FLNB: variants seen among roughly 807,000 people sequenced by gnomAD.
FLNB encodes the protein filamin B.
FLNB carries 111 observed loss-of-function variants against 250.6 expected under a neutral mutation model. The ratio of observed to expected loss-of-function variants is 0.44; its 90% CI spans 0.38 to 0.52. The LOEUF (loss-of-function observed/expected upper bound fraction) is 0.52, where lower values mean the gene tolerates loss of function less well. FLNB is among the 20% of genes least tolerant of loss of function. The pLI is 0.00. For synonymous variants in FLNB, 1,302 were observed against 1,372.1 expected, an observed-to-expected ratio of 0.95 and a Z score of 1.13; for missense variants, 2,869 against 3,447.8, an observed-to-expected ratio of 0.83 and a Z score of 4.20.
At chr3:58,108,799 G>A (rs530724894) in intron 13 of FLNB, among the ~76,000 whole-genome samples, 14 of 152,324 alleles carry the variant, frequency 9.2e-5, no homozygotes, top group African/African-American at 3.4e-4. Context: ...AATGAGGCTT[G>A]TTTGTTTCAG....
At chr3:58,161,521 A>C (rs1371720945) in intron 42 of FLNB, among the ~76,000 whole-genome samples, 3 of 152,128 alleles carry the variant, frequency 2.0e-5, no homozygotes, top group African/African-American at 7.2e-5. Context: ...TCCACCCCAG[A>C]CAGGATTTGA....
rs372136095 is a variant in FLNB at position 58,094,438 on chromosome 3, AG to A, written c.788-396del. On this transcript the variant is annotated intron_variant, in intron 4 of 45. Transcript: ENST00000295956. ...TTTGCTCGATCATCTTAAAATAAAA[AG>A]GTTAATTAAAAAAATGATTGAATAT... 3.1e-3 allele frequency among the ~76,000 whole-genome samples: 477 copies of A among 152,368 alleles called. 5 individuals carry two copies. The highest frequency in any genetic ancestry group is 0.011 in the African/African-American group (450 of 41,586).
intron 1 of FLNB, among the ~76,000 whole-genome samples, chr3:58,070,077 CTCTT>C (rs1317303687): frequency 7.1e-6 from 1 of 141,528 alleles, no homozygotes; most frequent in East Asian, 2.0e-4. Context: ...GAGACAGAGT[CTCTT>C]TCTGTCACCC....
At chr3:58,044,279 G>A (rs1228705350) in intron 1 of FLNB, among the ~76,000 whole-genome samples, 2 of 152,126 alleles carry the variant, frequency 1.3e-5, no homozygotes, top group African/African-American at 4.8e-5. Context: ...TGGTTGGGAA[G>A]CATTCTCTTA....
intron 39 of FLNB, chr3:58,154,565 A>C: frequency 2.0e-6 from 1 of 494,908 alleles, no homozygotes; most frequent in Non-Finnish European, 3.7e-6. Context: ...AAAAAAAGAC[A>C]TGTCTTCAGA....
At chr3:58,080,046 C>T (rs1221563525) in intron 3 of FLNB, among the ~76,000 whole-genome samples, 5 of 152,186 alleles carry the variant, frequency 3.3e-5, no homozygotes, top group Non-Finnish European at 7.3e-5. Context: ...CCTAAACCGT[C>T]TCCTTTTTAC....
intron 1 of FLNB, among the ~76,000 whole-genome samples, chr3:58,024,020 T>G (rs1268275997): frequency 2.6e-5 from 4 of 152,230 alleles, no homozygotes; most frequent in African/African-American, 9.6e-5. Context: ...CTTGACTGCC[T>G]GGGAACTTTG....
Position 58,111,878 on chromosome 3 carries a change from G to A in FLNB, c.2572G>A (p.Ala858Thr). 3 of 1,613,674 alleles carry A rather than the reference G, an allele frequency of 1.9e-6. No homozygotes were observed. In the South Asian group the frequency reaches 3.3e-5, roughly 18 times the overall value. Residue 858 changes from alanine to threonine, a missense_variant, in exon 17 of 46, where the codon GCA becomes ACA. Physicochemically the swap from Ala to Thr is moderately conservative, Grantham distance 58. Transcript: ENST00000295956. ...VKAEGPGLSK[A>T]GVENGKPTHF... ...GGCAGAAGGCCCAGGGCTCAGCAAA[G>A]CAGGTAAGATGGCACGTCTAGGTTG... is the stretch of plus-strand genomic sequence containing the variant.
chr3:58,163,181 A>G lies in FLNB; in HGVS notation c.7049A>G (p.His2350Arg). The change falls in exon 43 of 46, where the codon CAT (histidine) becomes CGT (arginine). Residue 2350 changes from histidine to arginine, a missense_variant. Physicochemically the swap from His to Arg is conservative, Grantham distance 29. Transcript: ENST00000295956. ...PDKYAVRFIP[H>R]ENGVHTIDVK... Reference sequence around the variant, plus strand: ...AAGTATGCTGTTCGCTTCATCCCTCATGAGAATGGTGTCCACACCATCGAT... The same window carrying G: ...AAGTATGCTGTTCGCTTCATCCCTCGTGAGAATGGTGTCCACACCATCGAT... 1 of 1,614,164 alleles carries G rather than the reference A, an allele frequency of 6.2e-7. No individual in the cohort carries two copies. The highest frequency in any genetic ancestry group is 8.5e-7 in the Non-Finnish European group (1 of 1,180,026).
rs200328630 is a variant in FLNB, at chr3:58,170,615, C to G, written c.7662C>G (p.Thr2554=). 1 of 1,614,152 alleles carries G rather than the reference C, an allele frequency of 6.2e-7. No homozygotes were observed. The highest frequency in any genetic ancestry group is 8.5e-7 in the Non-Finnish European group (1 of 1,180,044). Residue 2554 remains threonine (T), a synonymous_variant, in exon 46 of 46, where the codon ACC becomes ACG. Coordinates refer to ENST00000295956, the MANE Select transcript of FLNB (RefSeq NM_001457.4). ...TGATCGGGGTCCATGGGCCCACCAC[C>G]CCCTGCGAGGAGGTCTCCATGAAGC... ...MLLIGVHGPT[T]PCEEVSMKHV... is the part of the protein sequence containing the mutation.
Position 58,109,269 on chromosome 3 carries a change from C to T in FLNB, c.2146C>T (p.His716Tyr). 3 of 1,614,224 alleles carry T rather than the reference C, an allele frequency of 1.9e-6. No individual in the cohort carries two copies. Among genetic ancestry groups the T allele is most frequent in the Non-Finnish European group, 2.5e-6 (3 of 1,180,044 alleles). ...CSYTPVKAIK[H>Y]TIAVVWGGVN... ...ATACACCCCGGTGAAGGCCATCAAG[C>T]ACACCATTGCTGTGGTCTGGGGAGG... The change falls in exon 14 of 46, where the codon CAC becomes TAC. Residue 716 changes from histidine to tyrosine, a missense_variant. His to Tyr is a moderately conservative substitution (Grantham distance 83). This residue lies in a region of FLNB where 1,348 missense variants were observed against 1,466.7 expected (regional missense o/e 0.92). Transcript: ENST00000295956.
chr3:58,096,462 T>C (rs1455571559), intron 6 of FLNB, among the ~76,000 whole-genome samples: 3 of 152,192 alleles, frequency 2.0e-5, no homozygotes, highest in Non-Finnish European at 4.4e-5. Flanking sequence ...CAGCTGTGTG[T>C]CTGGAGTGTA....
chr3:58,143,449 G>GC, intron 31 of FLNB, 24 bp from the exon 32 acceptor site: 1 of 1,613,954 alleles, frequency 6.2e-7, no homozygotes, highest in Non-Finnish European at 8.5e-7. Flanking sequence ...GGGCTTCATT[G>GC]CCCCGTCTCT....
At chr3:58,096,245 T>A in intron 6 of FLNB, 27 bp downstream of exon 6, 1 of 1,547,608 alleles carries the variant, frequency 6.5e-7, no homozygotes, top group Non-Finnish European at 8.9e-7. Context: ...TGGCTGTGGC[T>A]TGGGCTGCTC....
At chr3:58,029,537 C>T (rs1026149015) in intron 1 of FLNB, among the ~76,000 whole-genome samples, 2 of 148,746 alleles carry the variant, frequency 1.3e-5, no homozygotes, top group African/African-American at 2.5e-5. Flanking sequence ...AAGAGTCTTG[C>T]TCTGTCGCCC....
chr3:58,093,120 G>T (rs896685453), intron 4 of FLNB, among the ~76,000 whole-genome samples: 1 of 152,186 alleles, frequency 6.6e-6, no homozygotes. Context: ...TATGTTATTT[G>T]CTAGAGTGGC....
chr3:58,070,538 G>C (rs1474645991), intron 1 of FLNB, among the ~76,000 whole-genome samples: 2 of 152,134 alleles, frequency 1.3e-5, no homozygotes, highest in African/African-American at 4.8e-5. Context: ...CCGGGTGGTA[G>C]AGATGAGGGG....
At position 58,153,623 on chromosome 3, in the gene FLNB, G is replaced by A; in HGVS notation, c.6616G>A (p.Gly2206Arg). The change falls in exon 39 of 46, where the codon GGA (glycine) becomes AGA (arginine). Residue 2206 changes from glycine (G) to arginine (R), a missense_variant. Coordinates refer to ENST00000295956, the MANE Select transcript of FLNB (RefSeq NM_001457.4). ...GGCAGGAGGCCCTGGCCTGGAGAGAGGAGAAGCGGGAGTCCCAGGTGAGCA... is the reference window on the plus strand; with the variant it reads ...GGCAGGAGGCCCTGGCCTGGAGAGAAGAGAAGCGGGAGTCCCAGGTGAGCA... ...VRAGGPGLER[G>R]EAGVPAEFSI... 6.2e-7 allele frequency: 1 copy of A among 1,614,100 alleles called. No homozygotes were observed. The highest frequency in any genetic ancestry group is 8.5e-7 in the Non-Finnish European group (1 of 1,180,022).
chr3:58,163,633 C>T (rs1271594761), intron 43 of FLNB: 3 of 432,260 alleles, frequency 6.9e-6, no homozygotes, highest in Non-Finnish European at 8.6e-6. Flanking sequence ...AGTCAGGGAA[C>T]ACAGCACAGT....
Sources: allele counts gnomAD v4.1 joint callset (sites outside exome capture counted in the v4.1 genomes callset), GRCh38; gene constraint gnomAD v4.1.1; regional missense constraint gnomAD v4.1.1; transcripts MANE v1.5; gene names NCBI Gene and HGNC (gene_info 2026-07-23, HGNC 2026-07-21).